Variants in GRIA3 observed in about 807,000 individuals in gnomAD.
GRIA3 encodes the protein glutamate receptor 3.
GRIA3 carries 3 observed loss-of-function variants against 63.0 expected under a neutral mutation model. The ratio of observed to expected loss-of-function variants is 0.05; its 90% confidence interval spans 0.02 to 0.12. The LOEUF is 0.12. Among genes scored for constraint, GRIA3 ranks in the 10% least tolerant of loss-of-function variants. The pLI, the probability that GRIA3 is intolerant of heterozygous loss-of-function variation, is 1.00. For missense variants in GRIA3, 347 were observed against 700.9 expected (o/e 0.50, Z 5.70); for synonymous variants, 274 against 257.9 (o/e 1.06, Z -0.60).
At chrX:123,238,631 T>C (rs1362521414) in intron 2 of GRIA3, among the ~76,000 whole-genome samples, 1 of 112,649 alleles carries the variant, frequency 8.9e-6, no homozygotes, top group African/African-American at 3.2e-5. Context: ...TCATTTATTT[T>C]TAATGCTAGG....
chrX:123,370,886 T>C (rs888831580), intron 5 of GRIA3, among the ~76,000 whole-genome samples: 5 of 110,987 alleles, frequency 4.5e-5, no homozygotes, highest in African/African-American at 1.6e-4. Flanking sequence ...TTATCTTTTG[T>C]GTTACAAGCC....
intron 11 of GRIA3, among the ~76,000 whole-genome samples, chrX:123,420,490 G>C (rs1463464655): frequency 1.8e-5 from 2 of 110,191 alleles, no homozygotes; most frequent in Non-Finnish European, 3.8e-5. Flanking sequence ...TTTATTTTTT[G>C]AAATGTTCAC....
intron 8 of GRIA3, 70 bp from the exon 9 acceptor site, chrX:123,403,342 C>A: frequency 1.4e-6 from 1 of 729,229 alleles, no homozygotes; most frequent in Non-Finnish European, 2.2e-6. Context: ...TCCACAACAG[C>A]ACTTCAATTT....
chrX:123,341,581 A>G (rs1335822269), intron 4 of GRIA3, among the ~76,000 whole-genome samples: 1 of 112,525 alleles, frequency 8.9e-6, no homozygotes, highest in African/African-American at 3.2e-5. Flanking sequence ...GAAGGATCTG[A>G]TTTCATAACA....
At chrX:123,278,047 C>A (rs2044565259) in intron 3 of GRIA3, among the ~76,000 whole-genome samples, 1 of 112,069 alleles carries the variant, frequency 8.9e-6, no homozygotes, top group Non-Finnish European at 1.9e-5. Flanking sequence ...TAGGTCCCCA[C>A]AACAGGCTGC....
chrX:123,389,031 G>T (rs745500769), intron 5 of GRIA3, among the ~76,000 whole-genome samples: 1 of 112,042 alleles, frequency 8.9e-6, no homozygotes, highest in Non-Finnish European at 1.9e-5. Context: ...AGTTTCCAAA[G>T]TTCCTCTTGT....
chrX:123,307,844 C>T (rs1003919005), intron 3 of GRIA3, among the ~76,000 whole-genome samples: 12 of 111,600 alleles, frequency 1.1e-4, no homozygotes, highest in Non-Finnish European at 1.7e-4. Context: ...CAACGGACAA[C>T]AGGTTAATAG....
At chrX:123,209,774 G>T (rs5909975) in intron 2 of GRIA3, among the ~76,000 whole-genome samples, 46,907 of 110,101 alleles carry the variant, frequency 0.43, 8,477 homozygotes, top group Non-Finnish European at 0.57. Context: ...TATTATGGGA[G>T]AAAAAGGTTA....
In GRIA3 at chrX:123,380,647, T is replaced by G. The variant is rs751147472; in HGVS notation, c.751-14321T>G. 1.3e-4 allele frequency among the ~76,000 whole-genome samples: 15 copies of G among 112,244 alleles called. No homozygotes were observed. In the South Asian group the frequency reaches 2.2e-3, roughly 17 times the overall value. ...TTTGCTGTGCAGAAGCTCTTTAGTT[T>G]AATTAGATCCCATTTGTCAATTTTG... On this transcript the variant is annotated intron_variant, in intron 5 of 15. Coordinates refer to ENST00000620443, the MANE Select transcript of GRIA3 (RefSeq NM_007325.5).
chrX:123,314,233 A>G (rs1469281976), intron 3 of GRIA3, among the ~76,000 whole-genome samples: 1 of 112,368 alleles, frequency 8.9e-6, no homozygotes, highest in African/African-American at 3.2e-5. Context: ...GAATGAGGAA[A>G]TGTCATGTAA....
At chrX:123,341,040 T>A (rs2045005707) in intron 4 of GRIA3, among the ~76,000 whole-genome samples, 1 of 112,299 alleles carries the variant, frequency 8.9e-6, no homozygotes, top group African/African-American at 3.2e-5. Context: ...GCTTGGCTCA[T>A]CTAACAAGAT....
At chrX:123,252,952 C>T (rs1161514252) in intron 2 of GRIA3, among the ~76,000 whole-genome samples, 6 of 111,660 alleles carry the variant, frequency 5.4e-5, no homozygotes, top group African/African-American at 1.3e-4. Flanking sequence ...GTTTGATGGA[C>T]GCATTAGTAC....
chrX:123,313,141 C>T (rs2044808024), intron 3 of GRIA3, among the ~76,000 whole-genome samples: 1 of 111,602 alleles, frequency 9.0e-6, no homozygotes, highest in African/African-American at 3.3e-5. Context: ...TTGGAAAAAA[C>T]TCAATTGAAA....
intron 2 of GRIA3, among the ~76,000 whole-genome samples, chrX:123,229,226 C>T (rs1459238455): frequency 9.0e-6 from 1 of 111,230 alleles, no homozygotes; most frequent in East Asian, 2.8e-4. Flanking sequence ...GGTCCTGACT[C>T]CCCAGATTGA....
intron 3 of GRIA3, among the ~76,000 whole-genome samples, chrX:123,264,030 T>G (rs1039729435): frequency 3.6e-5 from 4 of 112,128 alleles, no homozygotes; most frequent in African/African-American, 9.7e-5. Context: ...GACAGACCCA[T>G]AGTGAGCTAT....
At chrX:123,350,121 T>G (rs1312664858) in intron 4 of GRIA3, among the ~76,000 whole-genome samples, 2 of 111,645 alleles carry the variant, frequency 1.8e-5, no homozygotes, top group Non-Finnish European at 3.8e-5. Flanking sequence ...GAGAAAGTAT[T>G]CATACAATAA....
chrX:123,393,880 A>T (rs1490232564), intron 5 of GRIA3, among the ~76,000 whole-genome samples: 2 of 112,133 alleles, frequency 1.8e-5, no homozygotes, highest in Non-Finnish European at 3.8e-5. Flanking sequence ...AATTAGCAGG[A>T]TATAGTTATC....
intron 2 of GRIA3, among the ~76,000 whole-genome samples, chrX:123,202,096 A>G (rs914763362): frequency 6.3e-4 from 71 of 112,752 alleles, no homozygotes; most frequent in African/African-American, 2.0e-3. Context: ...ATGTAAATTG[A>G]TTACAGTCAG....
chrX:123,211,332 A>G (rs1476856300), intron 2 of GRIA3, among the ~76,000 whole-genome samples: 1 of 111,815 alleles, frequency 8.9e-6, no homozygotes, highest in East Asian at 2.8e-4. Context: ...AAATCCACCA[A>G]ATAAGAAGTT....
Sources: allele counts gnomAD v4.1 joint callset (sites outside exome capture counted in the v4.1 genomes callset), GRCh38; gene constraint gnomAD v4.1.1; transcripts MANE v1.5; gene names NCBI Gene and HGNC (gene_info 2026-07-23, HGNC 2026-07-21).